TMEM201: variants seen among roughly 807,000 people sequenced by gnomAD.
TMEM201 encodes transmembrane protein 201.
Under a neutral mutation model 63.4 loss-of-function variants are expected in TMEM201, and 26 were observed. The ratio of observed to expected loss-of-function variants is 0.41; its 90% CI spans 0.30 to 0.57. TMEM201 has a LOEUF of 0.57. TMEM201 is among the 20% of genes least tolerant of loss of function. The pLI is 0.29. For synonymous variants in TMEM201, 417 were observed against 421.6 expected, an observed-to-expected ratio of 0.99 and a Z score of 0.14; for missense variants, 794 against 917.7, an observed-to-expected ratio of 0.87 and a Z score of 1.74.
chr1:9,589,850 A>G (rs1386984604), intron 1 of TMEM201, among the ~76,000 whole-genome samples: 1 of 152,204 alleles, frequency 6.6e-6, no homozygotes, highest in African/African-American at 2.4e-5. Flanking sequence ...TCCTAGAAAG[A>G]GTGGATGGGT....
At chr1:9,589,195 G>A (rs1569897011) in intron 1 of TMEM201, 152 bp downstream of exon 1, 1 of 164,346 alleles carries the variant, frequency 6.1e-6, no homozygotes, top group Non-Finnish European at 1.2e-5. Context: ...CCCGAGACCG[G>A]GTTGAGACTG....
In TMEM201 at chr1:9,596,029, C is replaced by T. The variant is rs373199650; in HGVS notation, c.234+19C>T. The T allele has an allele frequency of 5.2e-5, 83 of 1,607,864 alleles. No homozygotes were observed. The highest frequency in any genetic ancestry group is 2.0e-4 in the Middle Eastern group (1 of 4,888). ...CCAGGAGGTGTGGGTCACAGGCAGG[C>T]GGACGGGTGGGCACGCGGGGGTGGG... On this transcript the variant is annotated intron_variant, in intron 2 of 10. Transcript: ENST00000340381.
rs765215243 is a variant in TMEM201 at position 9,595,941 on chromosome 1, G to A, written c.165G>A (p.Thr55=). Residue 55 remains threonine, a synonymous_variant, in exon 2 of 11, where the codon ACG becomes ACA. Coordinates refer to ENST00000340381, the MANE Select transcript of TMEM201 (RefSeq NM_001130924.3). The stretch of plus-strand genomic sequence containing the variant: ...ACTGCTGGTTCTGCAACCAGGATAC[G>A]CTGGTGCCCTATGGGAACCGCAACT... ...MVNCWFCNQD[T]LVPYGNRNCW... is the part of the protein sequence containing the mutation. 15 of 1,613,650 alleles carry A rather than the reference G, an allele frequency of 9.3e-6. No homozygotes were observed. Among genetic ancestry groups the A allele is most frequent in the South Asian group, 5.5e-5 (5 of 91,074 alleles).
chr1:9,589,680 G>T (rs1480769090), intron 1 of TMEM201, among the ~76,000 whole-genome samples: 3 of 152,246 alleles, frequency 2.0e-5, no homozygotes, highest in East Asian at 3.9e-4. Flanking sequence ...CGGGCCATGC[G>T]GGCCCCCGGG....
At chr1:9,595,236 G>A (rs967603919) in intron 1 of TMEM201, among the ~76,000 whole-genome samples, 2 of 152,184 alleles carry the variant, frequency 1.3e-5, no homozygotes, top group Non-Finnish European at 2.9e-5. Context: ...GGATTATCCC[G>A]AGGCCCCACC....
chr1:9,606,922 C>T (rs1644253523), intron 6 of TMEM201, among the ~76,000 whole-genome samples: 3 of 152,172 alleles, frequency 2.0e-5, no homozygotes, highest in Non-Finnish European at 2.9e-5. Flanking sequence ...GGCCTGGCTG[C>T]CCCCCAGTTC....
intron 9 of TMEM201, chr1:9,611,096 T>G: frequency 1.3e-6 from 2 of 1,482,656 alleles, no homozygotes; most frequent in Non-Finnish European, 1.8e-6. Flanking sequence ...ACAGATAGTT[T>G]CACTCAAATG....
chr1:9,607,446 A>G lies in TMEM201; in HGVS notation c.1161-111A>G. On this transcript the variant is annotated intron_variant, in intron 6 of 10. Coordinates refer to ENST00000340381, the MANE Select transcript of TMEM201 (RefSeq NM_001130924.3). The surrounding 1 kb of genome is among the most constrained non-coding windows in gnomAD (Gnocchi z 5.4). ...TAACGCACGCCTCCTCTGGGACCCC[A>G]GCTGAGGCCCCCACCTTGCACTGTG... 1.3e-6 allele frequency: 1 copy of G among 797,636 alleles called. No individual in the cohort carries two copies. Among genetic ancestry groups the G allele is most frequent in the East Asian group, 2.8e-5 (1 of 36,252 alleles). The allele number at this position is 797,636 out of a possible 1,614,324, so 49.4% of individuals were successfully genotyped here.
intron 1 of TMEM201, among the ~76,000 whole-genome samples, chr1:9,591,484 C>G (rs1239694213): frequency 6.6e-6 from 1 of 152,246 alleles, no homozygotes; most frequent in Admixed American, 6.5e-5. Flanking sequence ...TTCCCTGTGT[C>G]CAGGCCGTCG....
In TMEM201 at chr1:9,607,678, C is replaced by G; in HGVS notation, c.1282C>G (p.Leu428Val). The change falls in exon 7 of 11, where the codon CTC becomes GTC. Residue 428 changes from leucine to valine, a missense_variant. By Grantham distance (32) the Leu-to-Val change is conservative (BLOSUM62 1). Transcript: ENST00000340381. This position sits in a 1 kb window ranked among gnomAD's most constrained non-coding sequence, Gnocchi z 5.4. ...CCCCAGCCCGCCCAGCTTCCTGCCCCTCGCCAACCAGCAGCTCTTCCGGTC... is the reference window on the plus strand; with the variant it reads ...CCCCAGCCCGCCCAGCTTCCTGCCCGTCGCCAACCAGCAGCTCTTCCGGTC... Reference protein sequence around the residue: ...FIPSPPSFLPLANQQLFRSPR... With the variant: ...FIPSPPSFLPVANQQLFRSPR... The G allele has an allele frequency of 6.4e-7, 1 of 1,552,006 alleles. No individual in the cohort carries two copies. Among genetic ancestry groups the G allele is most frequent in the Non-Finnish European group, 8.7e-7 (1 of 1,147,116 alleles).
At position 9,605,979 on chromosome 1, in the gene TMEM201, G is replaced by A. The variant is rs1036531280; in HGVS notation, c.1161-1578G>A. On this transcript the variant is annotated intron_variant, in intron 6 of 10. Coordinates refer to ENST00000340381, the MANE Select transcript of TMEM201 (RefSeq NM_001130924.3). The surrounding 1 kb of genome is among the most constrained non-coding windows in gnomAD (Gnocchi z 5.7). ...GACTCTTGGCTATGTCTGTGCTGCC[G>A]GGCAGGGTGGGCACAGGAAGCCTAG... is the stretch of plus-strand genomic sequence containing the variant. Among the ~76,000 whole-genome samples, 1 of 152,258 alleles carries A rather than the reference G, an allele frequency of 6.6e-6. No individual in the cohort carries two copies. Among genetic ancestry groups the A allele is most frequent in the Admixed American group, 6.5e-5 (1 of 15,296 alleles).
In TMEM201 at chr1:9,607,939, C is replaced by A. The variant is rs891296461; in HGVS notation, c.1393+150C>A. The A allele has an allele frequency of 1.3e-6, 1 of 791,544 alleles. No homozygotes were observed. The highest frequency in any genetic ancestry group is 1.9e-6 in the Non-Finnish European group (1 of 512,936). The allele number at this position is 791,544 out of a possible 1,614,324, so 49.0% of individuals were successfully genotyped here. ...ACAGAGCTTTGAGCCTCAGTTCCCCCCAAAGAAATGGGGCTAGCTAGGAAT... is the reference window on the plus strand; with the variant it reads ...ACAGAGCTTTGAGCCTCAGTTCCCCACAAAGAAATGGGGCTAGCTAGGAAT... On this transcript the variant is annotated intron_variant, in intron 7 of 10. Coordinates refer to ENST00000340381, the MANE Select transcript of TMEM201 (RefSeq NM_001130924.3). The surrounding 1 kb of genome is among the most constrained non-coding windows in gnomAD (Gnocchi z 5.4).
intron 1 of TMEM201, among the ~76,000 whole-genome samples, chr1:9,593,281 G>A (rs547093557): frequency 6.6e-6 from 1 of 152,190 alleles, no homozygotes; most frequent in African/African-American, 2.4e-5. Flanking sequence ...GTCTGACGCC[G>A]CCGTGCTGGT....
At position 9,601,384 on chromosome 1, in the gene TMEM201, C is replaced by T; in HGVS notation, c.886C>T (p.His296Tyr). ...LCEAWAFGQS[H>Y]QTGVVALGLL... is the part of the protein sequence containing the mutation. Reference sequence around the variant, plus strand: ...TGAGGCCTGGGCCTTTGGGCAGAGCCACCAGACGGGCGTCGTGGCACTGGG... The same window carrying T: ...TGAGGCCTGGGCCTTTGGGCAGAGCTACCAGACGGGCGTCGTGGCACTGGG... The change falls in exon 5 of 11, where the codon CAC becomes TAC. Residue 296 changes from histidine to tyrosine, a missense_variant. By Grantham distance (83) the His-to-Tyr change is moderately conservative. Coordinates refer to ENST00000340381, the MANE Select transcript of TMEM201 (RefSeq NM_001130924.3). 3 of 1,604,642 alleles carry T rather than the reference C, an allele frequency of 1.9e-6. No homozygotes were observed. The highest frequency in any genetic ancestry group is 2.5e-6 in the Non-Finnish European group (3 of 1,179,410).
chr1:9,612,896 C>T, intron 10 of TMEM201, 90 bp from the exon 11 acceptor site: 2 of 1,134,384 alleles, frequency 1.8e-6, no homozygotes, highest in Non-Finnish European at 2.6e-6. Context: ...GCCTTGAGCT[C>T]CCCACAAACT....
Position 9,605,187 on chromosome 1 carries a change from A to G in TMEM201, c.1161-2370A>G, listed in dbSNP as rs1644220298. Among the ~76,000 whole-genome samples the G allele has an allele frequency of 6.6e-6, 1 of 151,398 alleles. No homozygotes were observed. Among genetic ancestry groups the G allele is most frequent in the African/African-American group, 2.4e-5 (1 of 41,116 alleles). ...CTTAAAACGTGGTCTCTCTCCTTCC[A>G]CTCCTGATGTGGGCTGGGATTGGGT... is the stretch of plus-strand genomic sequence containing the variant. On this transcript the variant is annotated intron_variant, in intron 6 of 10. Transcript: ENST00000340381. This position sits in a 1 kb window ranked among gnomAD's most constrained non-coding sequence, Gnocchi z 5.7.
chr1:9,589,298 C>T (rs1195744765), intron 1 of TMEM201, among the ~76,000 whole-genome samples: 3 of 151,952 alleles, frequency 2.0e-5, no homozygotes, highest in African/African-American at 4.8e-5. Context: ...CCACAAACTT[C>T]CTCCGGGAGC....
chr1:9,590,681 G>A (rs1482262343), intron 1 of TMEM201, among the ~76,000 whole-genome samples: 5 of 152,202 alleles, frequency 3.3e-5, no homozygotes, highest in Non-Finnish European at 7.3e-5. Context: ...ACACCAGCAG[G>A]TCACGGTGTG....
In TMEM201 at chr1:9,601,113, C is replaced by T. The variant is rs1644130688; in HGVS notation, c.615C>T (p.Ser205=). ...EADQTHAQNF[S]SAVKSPVQVI... ...CTCTTCCTCCTTTGCAGAACTTCTCCTCCGCCGTGAAGTCCCCGGTCCAGG... is the reference window on the plus strand; with the variant it reads ...CTCTTCCTCCTTTGCAGAACTTCTCTTCCGCCGTGAAGTCCCCGGTCCAGG... Residue 205 remains serine (S), a synonymous_variant, in exon 5 of 11, where the codon TCC becomes TCT. Coordinates refer to ENST00000340381, the MANE Select transcript of TMEM201 (RefSeq NM_001130924.3). The T allele has an allele frequency of 1.3e-6, 2 of 1,586,638 alleles. No homozygotes were observed. The highest frequency in any genetic ancestry group is 1.7e-6 in the Non-Finnish European group (2 of 1,160,722).
Sources: allele counts gnomAD v4.1 joint callset (sites outside exome capture counted in the v4.1 genomes callset), GRCh38; gene constraint gnomAD v4.1.1; non-coding constraint Gnocchi (gnomAD v3.1); transcripts MANE v1.5; gene names NCBI Gene and HGNC (gene_info 2026-07-23, HGNC 2026-07-21).